PRSS3: variants seen among roughly 807,000 people sequenced by gnomAD.
PRSS3 encodes serine protease 3.
A neutral mutation model predicts 20.8 loss-of-function variants in PRSS3; 14 were observed. That is an observed-to-expected ratio of 0.67 (90% CI 0.44 to 1.05). PRSS3 has a LOEUF of 1.05. Among genes scored for constraint, PRSS3 ranks in the 50% least tolerant of loss-of-function variants. The pLI is 0.00. For synonymous variants in PRSS3, 91 were observed against 117.6 expected, an observed-to-expected ratio of 0.77 and a Z score of 1.46; for missense variants, 237 against 306.4, an observed-to-expected ratio of 0.77 and a Z score of 1.69.
rs1822661985 is a variant in PRSS3 at position 33,750,909 on chromosome 9, C to T, written c.-53+182C>T. 1 of 1,322,076 alleles carries T rather than the reference C, an allele frequency of 7.6e-7. No individual in the cohort carries two copies. The highest frequency in any genetic ancestry group is 3.1e-5 in the East Asian group (1 of 32,774). 81.9% of individuals were successfully genotyped at this position (1,322,076 alleles called of 1,614,324 possible). A position where few individuals can be genotyped will look rare whatever the true frequency, so the allele number is the denominator to read the frequency against. On this transcript the variant is annotated intron_variant, in intron 1 of 5. Transcript: ENST00000342836. The surrounding 1 kb of genome is among the most constrained non-coding windows in gnomAD (Gnocchi z 4.8). Reference sequence around the variant, plus strand: ...AGGGGCTCAGGGACAGGGATGGAGGCTCCTCTAGGGGAGGACGGGAGGGGA... The same window carrying T: ...AGGGGCTCAGGGACAGGGATGGAGGTTCCTCTAGGGGAGGACGGGAGGGGA...
chr9:33,751,740 G>A (rs1247535857), intron 1 of PRSS3, among the ~76,000 whole-genome samples: 1 of 152,154 alleles, frequency 6.6e-6, no homozygotes, highest in East Asian at 1.9e-4. Flanking sequence ...TATTGTTCAT[G>A]AGAAACGTGT....
intron 1 of PRSS3, among the ~76,000 whole-genome samples, chr9:33,767,894 G>A (rs34415160): frequency 0.37 from 56,544 of 151,932 alleles, 10,722 homozygotes; most frequent in African/African-American, 0.44. Context: ...GGGTGAAAGC[G>A]GTCATCTGCA....
chr9:33,773,379 T>A (rs1823786952), intron 1 of PRSS3, among the ~76,000 whole-genome samples: 1 of 152,128 alleles, frequency 6.6e-6, no homozygotes, highest in African/African-American at 2.4e-5. Context: ...CAGCCAGGGA[T>A]TTAATAGGGA....
At chr9:33,774,896 G>C (rs976222059) in intron 1 of PRSS3, among the ~76,000 whole-genome samples, 1 of 152,076 alleles carries the variant, frequency 6.6e-6, no homozygotes, top group Non-Finnish European at 1.5e-5. Flanking sequence ...TGAGGCAGGA[G>C]AATCGCTTGA....
chr9:33,786,444 G>C, intron 1 of PRSS3: 1 of 691,686 alleles, frequency 1.4e-6, no homozygotes, highest in Admixed American at 2.1e-5. Context: ...TTTGGGAGCT[G>C]AGGTGGTATT....
Position 33,796,717 on chromosome 9 carries a change from G to T in PRSS3, c.115G>T (p.Val39Leu). Reference sequence around the variant, plus strand: ...TGAGGAGAATTCTCTCCCCTACCAGGTGTCCCTGAATTCTGGCTCCCACTT... The same window carrying T: ...TGAGGAGAATTCTCTCCCCTACCAGTTGTCCCTGAATTCTGGCTCCCACTT... ...TCEENSLPYQ[V>L]SLNSGSHFCG... is the part of the protein sequence containing the mutation. The change falls in exon 2 of 5, where the codon GTG becomes TTG. Residue 39 changes from valine to leucine, a missense_variant. Physicochemically the swap from Val to Leu is conservative, Grantham distance 32 (BLOSUM62 1). Coordinates refer to ENST00000379405, the MANE Select transcript of PRSS3 (RefSeq NM_002771.4). 5 of 1,614,006 alleles carry T rather than the reference G, an allele frequency of 3.1e-6. No individual in the cohort carries two copies. Among genetic ancestry groups the T allele is most frequent in the Non-Finnish European group, 4.2e-6 (5 of 1,179,860 alleles).
upstream of PRSS3, among the ~76,000 whole-genome samples, chr9:33,794,000 G>A (rs990071972): frequency 3.3e-5 from 5 of 152,240 alleles, no homozygotes; most frequent in Admixed American, 2.0e-4. Flanking sequence ...TGGAGAGCGG[G>A]TCTCTGAGCA....
intron 1 of PRSS3, among the ~76,000 whole-genome samples, chr9:33,771,569 C>T (rs905087286): frequency 2.0e-4 from 30 of 151,144 alleles, no homozygotes; most frequent in South Asian, 8.3e-4. Flanking sequence ...TCAGGCAATC[C>T]GCCCGCCTCA....
chr9:33,785,057 CA>C (rs1006635254), intron 1 of PRSS3, among the ~76,000 whole-genome samples: 2 of 149,822 alleles, frequency 1.3e-5, no homozygotes, highest in Non-Finnish European at 2.9e-5. Context: ...AGTAAGTGCT[CA>C]AAAACTTAGC....
intron 2 of PRSS3, 66 bp from the exon 3 acceptor site, chr9:33,797,763 G>C (rs83922): frequency 1.6e-3 from 2,331 of 1,503,030 alleles, no homozygotes; most frequent in African/African-American, 1.0e-2. Context: ...TGAGGACCCT[G>C]GGGAAGGTGG....
intron 1 of PRSS3, among the ~76,000 whole-genome samples, chr9:33,753,776 C>A (rs1822802815): frequency 6.6e-6 from 1 of 152,208 alleles, no homozygotes; most frequent in Non-Finnish European, 1.5e-5. Flanking sequence ...ATTAGAAGTT[C>A]ATTCAGCTAC....
chr9:33,750,834 A>T lies in PRSS3; in HGVS notation c.-53+107A>T. On this transcript the variant is annotated intron_variant, in intron 1 of 5. Coordinates refer to the PRSS3 transcript ENST00000342836. This position sits in a 1 kb window ranked among gnomAD's most constrained non-coding sequence, Gnocchi z 4.8. ...TGATGGAGAGGGGGTTCCGACTCGC[A>T]TGGGACCTGCGGGGGAGGGTACGCG... 3 of 1,389,356 alleles carry T rather than the reference A, an allele frequency of 2.2e-6. No individual in the cohort carries two copies. The highest frequency in any genetic ancestry group is 5.9e-5 in the East Asian group (2 of 34,146). The allele number at this position is 1,389,356 out of a possible 1,614,324, so 86.1% of individuals were successfully genotyped here. A position where few individuals can be genotyped will look rare whatever the true frequency, so the allele number is the denominator to read the frequency against.
At chr9:33,783,624 T>C (rs1249842500) in intron 1 of PRSS3, among the ~76,000 whole-genome samples, 1 of 152,222 alleles carries the variant, frequency 6.6e-6, no homozygotes, top group East Asian at 1.9e-4. Context: ...CACAATTCTA[T>C]GTATTTTTTA....
At position 33,799,052 on chromosome 9, in the gene PRSS3, T is replaced by C. The variant is rs1825191769; in HGVS notation, c.616T>C (p.Cys206Arg). 5.6e-6 allele frequency: 9 copies of C among 1,614,266 alleles called. No homozygotes were observed. The highest frequency in any genetic ancestry group is 7.6e-6 in the Non-Finnish European group (9 of 1,180,040). The change falls in exon 5 of 5, where the codon TGC (cysteine) becomes CGC (arginine). Residue 206 changes from cysteine to arginine, a missense_variant. By Grantham distance (180) the Cys-to-Arg change is radical. Coordinates refer to ENST00000379405, the MANE Select transcript of PRSS3 (RefSeq NM_002771.4). ...CQRDSGGPVVCNGQLQGVVSW... is the reference protein window; with the variant it reads ...CQRDSGGPVVRNGQLQGVVSW... ...GCGTGACTCTGGTGGCCCTGTGGTCTGCAACGGACAGCTCCAAGGAGTTGT... is the reference window on the plus strand; with the variant it reads ...GCGTGACTCTGGTGGCCCTGTGGTCCGCAACGGACAGCTCCAAGGAGTTGT...
chr9:33,766,560 A>G (rs1019473413), intron 1 of PRSS3, among the ~76,000 whole-genome samples: 2 of 152,116 alleles, frequency 1.3e-5, no homozygotes, highest in African/African-American at 2.4e-5. Context: ...GCGACAGAGC[A>G]AGACTCTGTC....
chr9:33,754,789 C>T (rs927648899), intron 1 of PRSS3, among the ~76,000 whole-genome samples: 4 of 152,140 alleles, frequency 2.6e-5, no homozygotes, highest in Non-Finnish European at 5.9e-5. Flanking sequence ...CGAAATCATG[C>T]CACTTGCTCT....
intron 1 of PRSS3, among the ~76,000 whole-genome samples, chr9:33,757,503 T>TTAGATCACGTGAAGGGAACAGATAC (rs1823004295): frequency 6.6e-6 from 1 of 151,948 alleles, no homozygotes. Flanking sequence ...TGGGAAAGGT[T>TTAGATCACGTGAAGGGAACAGATAC]TAGATCACGT....
intron 1 of PRSS3, among the ~76,000 whole-genome samples, chr9:33,753,739 T>A (rs529858625): frequency 7.4e-4 from 112 of 152,342 alleles, no homozygotes; most frequent in African/African-American, 2.5e-3. Context: ...GTATGTCAGA[T>A]AAACATCTGA....
At chr9:33,760,091 C>T (rs928528072) in intron 1 of PRSS3, among the ~76,000 whole-genome samples, 3 of 152,050 alleles carry the variant, frequency 2.0e-5, no homozygotes, top group African/African-American at 7.2e-5. Context: ...TATTATTTTC[C>T]TTGAGCACCC....
Sources: gnomAD v4.1 joint callset for allele counts (sites outside exome capture counted in the v4.1 genomes callset) on GRCh38, gnomAD v4.1.1 for gene constraint, Gnocchi (gnomAD v3.1) non-coding constraint, MANE v1.5 for transcripts, NCBI Gene and HGNC (gene_info 2026-07-23, HGNC 2026-07-21) for gene names.